Variants in TMEM243 observed in about 807,000 individuals in gnomAD.
The protein encoded by TMEM243 is MDR1 and mitochondrial taxol resistance associated.
A neutral mutation model predicts 15.0 loss-of-function variants in TMEM243; 20 were observed. That is an observed-to-expected ratio of 1.33 (90% CI 0.94 to 1.93). The LOEUF (loss-of-function observed/expected upper bound fraction) is 1.93, where lower values mean the gene tolerates loss of function less well. Ranked by LOEUF, TMEM243 falls within the 30% of genes most tolerant of loss-of-function variation. The pLI is 0.00. For synonymous variants in TMEM243, 72 were observed against 52.7 expected (o/e 1.37, Z -1.59); for missense variants, 156 against 142.1 (o/e 1.10, Z -0.50).
chr7:87,197,846 T>C (rs1801451662), intron 3 of TMEM243, 95 bp downstream of exon 3: 3 of 1,588,430 alleles, frequency 1.9e-6, no homozygotes, highest in South Asian at 2.3e-5. Flanking sequence ...AATTAAGAGA[T>C]ACCCTTTTGT....
At chr7:87,216,250 G>T (rs2129239801) in intron 1 of TMEM243, among the ~76,000 whole-genome samples, 1 of 142,860 alleles carries the variant, frequency 7.0e-6, no homozygotes, top group South Asian at 2.3e-4. Context: ...CTCCAGCCTG[G>T]GCAACAGAGT....
At chr7:87,197,651 T>TAAATTA in intron 3 of TMEM243, 1 of 1,149,330 alleles carries the variant, frequency 8.7e-7, no homozygotes, top group Non-Finnish European at 1.2e-6. Flanking sequence ...ATGAATTAAG[T>TAAATTA]AAATTAAAAT....
chr7:87,209,372 A>G (rs1802445964), intron 1 of TMEM243, among the ~76,000 whole-genome samples: 1 of 152,004 alleles, frequency 6.6e-6, no homozygotes, highest in Non-Finnish European at 1.5e-5. Flanking sequence ...AGAGGGGAAG[A>G]GAGAGAGGTG....
Position 87,196,542 on chromosome 7 carries a change from G to A in TMEM243, c.*94C>T. On this transcript the variant is annotated 3_prime_UTR_variant, in exon 4 of 4. Coordinates refer to ENST00000257637, the MANE Select transcript of TMEM243 (RefSeq NM_024315.4). Reference sequence around the variant, plus strand: ...CATGAAAATCATGTATCAGACTTCTGCAGGAGATTCTTCAGCATACCTTAT... The same window carrying A: ...CATGAAAATCATGTATCAGACTTCTACAGGAGATTCTTCAGCATACCTTAT... 1 of 1,220,356 alleles carries A rather than the reference G, an allele frequency of 8.2e-7. No individual in the cohort carries two copies. The highest frequency in any genetic ancestry group is 1.2e-6 in the Non-Finnish European group (1 of 866,098). The allele number at this position is 1,220,356 out of a possible 1,614,324, so 75.6% of individuals were successfully genotyped here.
At chr7:87,209,661 C>CAA (rs1399931041) in intron 1 of TMEM243, among the ~76,000 whole-genome samples, 2 of 10,680 alleles carry the variant, frequency 1.9e-4, no homozygotes, top group Non-Finnish European at 2.9e-4. Flanking sequence ...AGAGACAGAG[C>CAA]GAGAGAGAGC....
chr7:87,219,767 C>A (rs963126139), upstream of TMEM243: 2 of 489,328 alleles, frequency 4.1e-6, no homozygotes, highest in African/African-American at 4.0e-5. Context: ...AGACTCTCAG[C>A]GGGACGCCCC....
chr7:87,214,904 A>G (rs1045311950), intron 1 of TMEM243, among the ~76,000 whole-genome samples: 1 of 152,220 alleles, frequency 6.6e-6, no homozygotes, highest in Admixed American at 6.5e-5. Flanking sequence ...AGACAATTTT[A>G]TATTTTTAAA....
At chr7:87,219,777 C>G (rs1437878236), upstream of TMEM243, 11 of 470,020 alleles carry the variant, frequency 2.3e-5, no homozygotes, top group Non-Finnish European at 3.8e-5. Context: ...CGGGACGCCC[C>G]CGCCCGGGCA....
intron 1 of TMEM243, among the ~76,000 whole-genome samples, chr7:87,209,859 A>T (rs1393291024): frequency 1.4e-5 from 2 of 146,014 alleles, no homozygotes; most frequent in Non-Finnish European, 3.0e-5. Context: ...AGCGAGAGAG[A>T]GAGAGAGCAA....
intron 1 of TMEM243, among the ~76,000 whole-genome samples, chr7:87,209,689 A>AGAGAGAGAGACACAGT: frequency 3.3e-5 from 2 of 61,472 alleles, no homozygotes; most frequent in Admixed American, 1.6e-4. Flanking sequence ...AGACACAGCG[A>AGAGAGAGAGACACAGT]GAGAGCGAGA....
intron 1 of TMEM243, among the ~76,000 whole-genome samples, chr7:87,210,831 A>G (rs1244068279): frequency 1.3e-5 from 2 of 152,228 alleles, no homozygotes; most frequent in African/African-American, 2.4e-5. Context: ...TGGACATCCA[A>G]GCATTTCCAT....
intron 1 of TMEM243, among the ~76,000 whole-genome samples, chr7:87,200,767 AT>A (rs1801742126): frequency 6.6e-6 from 1 of 152,340 alleles, no homozygotes; most frequent in East Asian, 1.9e-4. Context: ...TCTCAATACC[AT>A]TAAGTGATAA....
chr7:87,216,099 A>G (rs1803096001), intron 1 of TMEM243, among the ~76,000 whole-genome samples: 1 of 151,918 alleles, frequency 6.6e-6, no homozygotes, highest in Non-Finnish European at 1.5e-5. Flanking sequence ...TGAAACCCCC[A>G]TCTCAACTAA....
At chr7:87,198,295 A>G (rs117986766) in intron 2 of TMEM243, 31 of 367,068 alleles carry the variant, frequency 8.4e-5, no homozygotes, top group African/African-American at 4.8e-4. Context: ...TGCCAAAATA[A>G]CTTCATTAAC....
intron 1 of TMEM243, among the ~76,000 whole-genome samples, chr7:87,202,048 T>C (rs184362282): frequency 6.6e-6 from 1 of 152,324 alleles, no homozygotes; most frequent in African/African-American, 2.4e-5. Context: ...GTTGTGTGCA[T>C]ACATACATGT....
At chr7:87,212,964 A>G (rs576659261) in intron 1 of TMEM243, among the ~76,000 whole-genome samples, 35 of 152,372 alleles carry the variant, frequency 2.3e-4, no homozygotes, top group African/African-American at 7.2e-4. Flanking sequence ...AGCCAGGCTC[A>G]CAGAAGGAAA....
In TMEM243 at chr7:87,219,509, G is replaced by A. The variant is rs1239573964; in HGVS notation, c.-6C>T. On this transcript the variant is annotated 5_prime_UTR_variant, in exon 1 of 4. Coordinates refer to ENST00000257637, the MANE Select transcript of TMEM243 (RefSeq NM_024315.4). The stretch of plus-strand genomic sequence containing the variant: ...CTGGTAGCAAAGTCCTCCATTTTGG[G>A]GTTTCTTCACTTTCCCCAAGCCACT... The A allele has an allele frequency of 6.2e-7, 1 of 1,613,968 alleles. No individual in the cohort carries two copies. Among genetic ancestry groups the A allele is most frequent in the African/African-American group, 1.3e-5 (1 of 74,930 alleles).
rs191842015 is a variant in TMEM243 at position 87,196,461 on chromosome 7, G to A, written c.*175C>T. ...GCAACATCAGCTCCTTAAAGAAAAA[G>A]CAAAGTGATCTAGGATATGTCTCCC... On this transcript the variant is annotated 3_prime_UTR_variant, in exon 4 of 4. Coordinates refer to ENST00000257637, the MANE Select transcript of TMEM243 (RefSeq NM_024315.4). The A allele has an allele frequency of 5.8e-3, 3,434 of 589,956 alleles. 56 individuals carry two copies. The highest frequency in any genetic ancestry group is 4.0e-3 in the Non-Finnish European group (1,436 of 361,224). 36.5% of individuals were successfully genotyped at this position (589,956 alleles called of 1,614,324 possible). A position where few individuals can be genotyped will look rare whatever the true frequency, so the allele number is the denominator to read the frequency against.
chr7:87,198,931 G>T, intron 2 of TMEM243, 76 bp downstream of exon 2: 2 of 1,311,160 alleles, frequency 1.5e-6, no homozygotes, highest in Non-Finnish European at 2.1e-6. Flanking sequence ...AGCTTTTTTT[G>T]GAAAGTTAAC....
Sources: gnomAD v4.1 joint callset for allele counts (sites outside exome capture counted in the v4.1 genomes callset) on GRCh38, gnomAD v4.1.1 for gene constraint, MANE v1.5 for transcripts, NCBI Gene and HGNC (gene_info 2026-07-23, HGNC 2026-07-21) for gene names.